RANBP17: variants seen among roughly 807,000 people sequenced by gnomAD.
RANBP17 encodes the protein RAN binding protein 17, also known as ran-binding protein 17.
In RANBP17, 158 loss-of-function variants were observed where a neutral mutation model predicts 141.2. That is an observed-to-expected ratio of 1.12 (90% CI 0.98 to 1.28). RANBP17 has a LOEUF of 1.28. Ranked by LOEUF, RANBP17 falls within the 50% of genes most tolerant of loss-of-function variation. The probability of loss-of-function intolerance (pLI) is 0.00; values close to 1 mark genes in which losing one functional copy is unlikely to be tolerated. For synonymous variants in RANBP17, 430 were observed against 450.0 expected (o/e 0.96, Z 0.56); for missense variants, 1,438 against 1,290.7 (o/e 1.11, Z -1.75).
At chr5:171,013,959 A>G (rs529699814) in intron 14 of RANBP17, among the ~76,000 whole-genome samples, 189 of 152,158 alleles carry the variant, frequency 1.2e-3, no homozygotes, top group South Asian at 0.012. Context: ...GTCTCTTACT[A>G]TGGATTTATC....
At chr5:171,049,358 C>G (rs376210306) in intron 14 of RANBP17, among the ~76,000 whole-genome samples, 1 of 152,274 alleles carries the variant, frequency 6.6e-6, no homozygotes, top group South Asian at 2.1e-4. Context: ...CTTATAGATG[C>G]TGGATATTAG....
At chr5:171,294,773 A>T (rs917629228) in intron 26 of RANBP17, among the ~76,000 whole-genome samples, 5 of 152,216 alleles carry the variant, frequency 3.3e-5, no homozygotes, top group Non-Finnish European at 5.9e-5. Context: ...TTTAAATCCA[A>T]GCTCTATAAA....
At chr5:170,906,544 C>T (rs1009180628) in intron 5 of RANBP17, among the ~76,000 whole-genome samples, 1 of 152,030 alleles carries the variant, frequency 6.6e-6, no homozygotes, top group Middle Eastern at 3.4e-3. Context: ...TCTGGGCTCA[C>T]CCATTGTAGA....
At chr5:171,066,719 G>A (rs1784334931) in intron 14 of RANBP17, among the ~76,000 whole-genome samples, 1 of 152,110 alleles carries the variant, frequency 6.6e-6, no homozygotes, top group South Asian at 2.1e-4. Context: ...TGGTAATTCT[G>A]TTTTTAACTT....
At chr5:170,884,779 A>G (rs1367088746) in intron 3 of RANBP17, among the ~76,000 whole-genome samples, 2 of 152,204 alleles carry the variant, frequency 1.3e-5, no homozygotes, top group African/African-American at 4.8e-5. Flanking sequence ...TCCTGAAAGA[A>G]GTCTGGAATA....
At chr5:171,093,903 A>G (rs991304944) in intron 14 of RANBP17, among the ~76,000 whole-genome samples, 1 of 152,204 alleles carries the variant, frequency 6.6e-6, no homozygotes, top group Non-Finnish European at 1.5e-5. Flanking sequence ...TGAATGTAAA[A>G]TACTGAACAC....
At chr5:170,871,490 A>G (rs1767724230) in intron 1 of RANBP17, among the ~76,000 whole-genome samples, 1 of 152,134 alleles carries the variant, frequency 6.6e-6, no homozygotes, top group Non-Finnish European at 1.5e-5. Flanking sequence ...GTTCCCTCTG[A>G]TGATAGTTTA....
intron 12 of RANBP17, among the ~76,000 whole-genome samples, chr5:170,930,238 C>A (rs546507387): frequency 1.3e-5 from 2 of 151,742 alleles, no homozygotes; most frequent in Non-Finnish European, 2.9e-5. Context: ...TGGGTGCAGA[C>A]TGCAGATCTT....
At position 171,183,194 on chromosome 5, in the gene RANBP17, G is replaced by A. The variant is rs1189239076; in HGVS notation, c.1893G>A (p.Lys631=). 6.3e-7 allele frequency: 1 copy of A among 1,579,778 alleles called. No homozygotes were observed. Among genetic ancestry groups the A allele is most frequent in the South Asian group, 1.1e-5 (1 of 90,238 alleles). ...ATATCCTTTTAAAAAAACTTGTGAA[G>A]ATAGATGCTGTGAAATTCATGCTAA... The part of the protein sequence containing the change: ...VGYILLKKLV[K]IDAVKFMLKN... The change falls in exon 17 of 28, where the codon AAG becomes AAA. Residue 631 remains lysine (K), a synonymous_variant. Transcript: ENST00000523189.
At chr5:171,170,520 C>T (rs931183317) in intron 15 of RANBP17, among the ~76,000 whole-genome samples, 12 of 151,906 alleles carry the variant, frequency 7.9e-5, no homozygotes, top group African/African-American at 2.4e-4. Context: ...AAAAGAAAAG[C>T]ACGCGATTTG....
intron 22 of RANBP17, among the ~76,000 whole-genome samples, chr5:171,230,013 C>T (rs569053815): frequency 6.6e-6 from 1 of 151,748 alleles, no homozygotes; most frequent in African/African-American, 2.4e-5. Context: ...TGCAGTGAGC[C>T]GAGATCGTGC....
At chr5:171,070,702 TTTTC>T (rs1248672055) in intron 14 of RANBP17, among the ~76,000 whole-genome samples, 1 of 152,082 alleles carries the variant, frequency 6.6e-6, no homozygotes, top group East Asian at 1.9e-4. Context: ...AATGAGATAG[TTTTC>T]TTTCCTGTTT....
chr5:171,047,303 C>A (rs1782655243), intron 14 of RANBP17, among the ~76,000 whole-genome samples: 2 of 151,902 alleles, frequency 1.3e-5, no homozygotes, highest in African/African-American at 4.8e-5. Context: ...CAGGTGTGAG[C>A]CACTGCACTT....
intron 5 of RANBP17, among the ~76,000 whole-genome samples, chr5:170,903,281 T>C (rs1205056527): frequency 6.6e-6 from 1 of 150,594 alleles, no homozygotes; most frequent in African/African-American, 2.4e-5. Context: ...TTGTTTACAC[T>C]GTGAGGGCAA....
At chr5:170,909,598 T>TTTTTTA in intron 5 of RANBP17, 63 bp from the exon 6 acceptor site, 4 of 513,776 alleles carry the variant, frequency 7.8e-6, no homozygotes, top group Non-Finnish European at 1.0e-5. Context: ...TTTTTTTTTT[T>TTTTTTA]AGTAAATTTT....
At chr5:171,197,285 T>A (rs1392275655) in intron 18 of RANBP17, among the ~76,000 whole-genome samples, 1 of 152,234 alleles carries the variant, frequency 6.6e-6, no homozygotes, top group Non-Finnish European at 1.5e-5. Flanking sequence ...GCTAATACTA[T>A]AGTGCTAGTA....
chr5:171,118,364 A>AT (rs1302612011), intron 14 of RANBP17, among the ~76,000 whole-genome samples: 1 of 151,878 alleles, frequency 6.6e-6, no homozygotes, highest in Admixed American at 6.6e-5. Context: ...ACTCGATGTC[A>AT]TTTTGGCTAT....
intron 14 of RANBP17, among the ~76,000 whole-genome samples, chr5:171,152,334 G>A (rs778356248): frequency 8.6e-5 from 13 of 151,124 alleles, no homozygotes; most frequent in Non-Finnish European, 1.0e-4. Flanking sequence ...GTAGAGAATC[G>A]CTTGAACCCG....
rs578080988 is a variant in RANBP17 at position 171,207,916 on chromosome 5, G to C, written c.2231+2304G>C. 5.3e-5 allele frequency: 8 copies of C among 152,220 alleles called. No homozygotes were observed. The South Asian group carries it at 1.7e-3, about 32-fold the overall frequency. The allele number at this position is 152,220 out of a possible 1,614,324, so 9.4% of individuals were successfully genotyped here. A position where few individuals can be genotyped will look rare whatever the true frequency, so the allele number is the denominator to read the frequency against. On this transcript the variant is annotated intron_variant, in intron 20 of 27. Transcript: ENST00000523189. ...TGAAATACTTTAAGCAGTTTCAGGT[G>C]ATAAAGTACAGATTCTTTTCAAAGT...
Sources: allele counts gnomAD v4.1 joint callset (sites outside exome capture counted in the v4.1 genomes callset), GRCh38; gene constraint gnomAD v4.1.1; transcripts MANE v1.5; gene names NCBI Gene and HGNC (gene_info 2026-07-23, HGNC 2026-07-21).